The following RBFOX1 variants were observed in gnomAD, a reference collection of about 807,000 sequenced individuals.
The protein encoded by RBFOX1 is RNA binding fox-1 homolog 1, also known as RNA binding protein fox-1 homolog 1.
Under a neutral mutation model 57.7 loss-of-function variants are expected in RBFOX1, and 8 were observed. The ratio of observed to expected loss-of-function variants is 0.14; its 90% CI spans 0.08 to 0.25. The LOEUF is 0.25. RBFOX1 is among the 10% of genes least tolerant of loss of function. RBFOX1 has a pLI of 1.00. For synonymous variants in RBFOX1, 326 were observed against 222.4 expected (o/e 1.47, Z -4.15); for missense variants, 611 against 548.5 (o/e 1.11, Z -1.14).
At chr16:6,153,034 T>G (rs893532009) in intron 1 of RBFOX1, among the ~76,000 whole-genome samples, 114 of 41,540 alleles carry the variant, frequency 2.7e-3, no homozygotes, top group Middle Eastern at 0.017. Flanking sequence ...TTATTTTCTG[T>G]TTTTTTTTTT....
At chr16:6,545,449 A>G (rs1046336324) in intron 2 of RBFOX1, among the ~76,000 whole-genome samples, 5 of 151,986 alleles carry the variant, frequency 3.3e-5, no homozygotes. Context: ...CCTGTCCTCC[A>G]TGTCATTTCT....
chr16:5,625,646 C>G (rs2048328876), intron 3 of RBFOX1, among the ~76,000 whole-genome samples: 1 of 151,938 alleles, frequency 6.6e-6, no homozygotes, highest in African/African-American at 2.4e-5. Context: ...CAACCTCCGC[C>G]TCCTGGGTTC....
intron 4 of RBFOX1, among the ~76,000 whole-genome samples, chr16:7,274,448 T>A (rs2095401493): frequency 6.6e-6 from 1 of 152,098 alleles, no homozygotes; most frequent in African/African-American, 2.4e-5. Context: ...CACAACTTTA[T>A]GCAAGCTTAG....
intron 3 of RBFOX1, among the ~76,000 whole-genome samples, chr16:6,834,937 G>C (rs904816816): frequency 6.8e-6 from 1 of 147,264 alleles, no homozygotes; most frequent in African/African-American, 2.5e-5. Flanking sequence ...CTGTTGCCCA[G>C]GCTGGAGTGC....
intron 2 of RBFOX1, among the ~76,000 whole-genome samples, chr16:6,566,532 A>G (rs1301728838): frequency 1.3e-5 from 2 of 152,202 alleles, no homozygotes; most frequent in East Asian, 3.8e-4. Context: ...GTTTCAAACC[A>G]TAGGCTGCTT....
At chr16:5,366,074 C>T in intron 1 of RBFOX1, 3 of 473,046 alleles carry the variant, frequency 6.3e-6, no homozygotes, top group Non-Finnish European at 1.2e-5. Flanking sequence ...GCTTTGAAAT[C>T]ATACCACCAG....
At chr16:5,864,933 G>A (rs193278149) in intron 3 of RBFOX1, among the ~76,000 whole-genome samples, 3 of 152,286 alleles carry the variant, frequency 2.0e-5, no homozygotes, top group Admixed American at 1.3e-4. Flanking sequence ...TTTAAAAAAT[G>A]TATTTCTGTC....
intron 4 of RBFOX1, among the ~76,000 whole-genome samples, chr16:7,209,497 C>G (rs140123176): frequency 9.2e-5 from 14 of 152,170 alleles, no homozygotes; most frequent in Non-Finnish European, 1.8e-4. Context: ...GCAGTTGGCT[C>G]CTGCCAGCTT....
chr16:6,600,049 G>T (rs1422566815), intron 2 of RBFOX1, among the ~76,000 whole-genome samples: 1 of 152,188 alleles, frequency 6.6e-6, no homozygotes, highest in Non-Finnish European at 1.5e-5. Flanking sequence ...TGGCACTGCT[G>T]GGACTGGAAC....
At chr16:6,862,732 C>A (rs2059232523) in intron 3 of RBFOX1, among the ~76,000 whole-genome samples, 1 of 152,146 alleles carries the variant, frequency 6.6e-6, no homozygotes. Context: ...CACCTGTAAT[C>A]CCGGCGCTTT....
chr16:7,109,138 G>C (rs981091221), intron 4 of RBFOX1, among the ~76,000 whole-genome samples: 8 of 152,188 alleles, frequency 5.3e-5, no homozygotes, highest in African/African-American at 1.9e-4. Context: ...ATATTTCCAA[G>C]GTGAATGTAC....
At chr16:7,650,280 G>T (rs969279722) in intron 11 of RBFOX1, among the ~76,000 whole-genome samples, 1 of 150,074 alleles carries the variant, frequency 6.7e-6, no homozygotes, top group Non-Finnish European at 1.5e-5. Flanking sequence ...TCTCCATGAA[G>T]CCTCTGGCCC....
intron 3 of RBFOX1, among the ~76,000 whole-genome samples, chr16:6,870,544 C>G (rs557006315): frequency 6.6e-6 from 1 of 152,272 alleles, no homozygotes; most frequent in African/African-American, 2.4e-5. Flanking sequence ...ACTGGATCAC[C>G]TTGTATAACT....
At chr16:6,719,343 A>C (rs1306189002) in intron 3 of RBFOX1, among the ~76,000 whole-genome samples, 1 of 152,218 alleles carries the variant, frequency 6.6e-6, no homozygotes, top group African/African-American at 2.4e-5. Context: ...TTAAACTCAG[A>C]AAAGACCCCA....
chr16:7,381,970 T>C (rs952500620), intron 4 of RBFOX1, among the ~76,000 whole-genome samples: 3 of 152,198 alleles, frequency 2.0e-5, no homozygotes, highest in Non-Finnish European at 4.4e-5. Context: ...GGGGATGAAA[T>C]GTTTCTCCCT....
At chr16:7,618,119 G>C (rs1450112435) in intron 10 of RBFOX1, among the ~76,000 whole-genome samples, 1 of 152,174 alleles carries the variant, frequency 6.6e-6, no homozygotes, top group Non-Finnish European at 1.5e-5. Context: ...TGAGATTAGA[G>C]AGTACCTTCT....
chr16:6,192,929 A>G (rs1017708018), intron 1 of RBFOX1, among the ~76,000 whole-genome samples: 1 of 152,208 alleles, frequency 6.6e-6, no homozygotes. Context: ...GTGATATATT[A>G]TGTCGAAATT....
intron 4 of RBFOX1, among the ~76,000 whole-genome samples, chr16:5,916,566 A>T (rs959801695): frequency 6.6e-6 from 1 of 152,050 alleles, no homozygotes; most frequent in Non-Finnish European, 1.5e-5. Flanking sequence ...CTTTATAATT[A>T]GGAGGTGCTG....
chr16:6,210,361 C>CAAAAAAAAAAAAA (rs3064933), intron 1 of RBFOX1, among the ~76,000 whole-genome samples: 4 of 61,454 alleles, frequency 6.5e-5, no homozygotes, highest in Non-Finnish European at 1.0e-4. Flanking sequence ...AAAAAAACAC[C>CAAAAAAAAAAAAA]AAAAAAAAAA....
Sources: gnomAD v4.1 joint callset for allele counts (sites outside exome capture counted in the v4.1 genomes callset) on GRCh38, gnomAD v4.1.1 for gene constraint, MANE v1.5 for transcripts, NCBI Gene and HGNC (gene_info 2026-07-23, HGNC 2026-07-21) for gene names.